The following MPPED2 variants were observed in gnomAD, a reference collection of about 807,000 sequenced individuals.
The protein encoded by MPPED2 is metallophosphoesterase domain containing 2.
MPPED2 carries 5 observed loss-of-function variants against 33.0 expected under a neutral mutation model. The ratio of observed to expected loss-of-function variants is 0.15; its 90% CI spans 0.08 to 0.32. MPPED2 has a LOEUF of 0.32. Ranked by LOEUF, MPPED2 falls within the 10% of genes least tolerant of loss-of-function variation. The probability of loss-of-function intolerance (pLI) is 1.00; values close to 1 mark genes in which losing one functional copy is unlikely to be tolerated. For missense variants in MPPED2, 275 were observed against 372.1 expected (o/e 0.74, Z 2.15); for synonymous variants, 136 against 141.9 (o/e 0.96, Z 0.29).
At chr11:30,583,830 C>T (rs1438949965) in intron 1 of MPPED2, among the ~76,000 whole-genome samples, 1 of 152,168 alleles carries the variant, frequency 6.6e-6, no homozygotes, top group South Asian at 2.1e-4. Context: ...AACAAGGATG[C>T]TCATTTTAAT....
intron 3 of MPPED2, among the ~76,000 whole-genome samples, chr11:30,533,004 A>C (rs1954610821): frequency 6.6e-6 from 1 of 152,232 alleles, no homozygotes; most frequent in African/African-American, 2.4e-5. Flanking sequence ...ATTAGCACAT[A>C]GCCAAACAGC....
At chr11:30,482,216 A>G (rs1308079290) in intron 4 of MPPED2, among the ~76,000 whole-genome samples, 5 of 152,192 alleles carry the variant, frequency 3.3e-5, no homozygotes, top group African/African-American at 7.2e-5. Context: ...CTTGTGGTGT[A>G]TTATCTTTCA....
chr11:30,549,942 G>A (rs935358491), intron 2 of MPPED2, among the ~76,000 whole-genome samples: 5 of 152,062 alleles, frequency 3.3e-5, no homozygotes, highest in Non-Finnish European at 5.9e-5. Context: ...TGGCCAAGGG[G>A]GCATGTTAAG....
At chr11:30,568,969 T>C (rs1335510391) in intron 2 of MPPED2, among the ~76,000 whole-genome samples, 8 of 152,168 alleles carry the variant, frequency 5.3e-5, no homozygotes, top group South Asian at 2.1e-4. Flanking sequence ...CACTTACATG[T>C]TGGAGGAAAT....
At chr11:30,560,172 T>A (rs1210643534) in intron 2 of MPPED2, among the ~76,000 whole-genome samples, 4 of 152,202 alleles carry the variant, frequency 2.6e-5, no homozygotes, top group Non-Finnish European at 2.9e-5. Context: ...TTTTATTGTG[T>A]TTATTTGTTT....
chr11:30,456,837 G>T (rs1189214872), intron 4 of MPPED2, among the ~76,000 whole-genome samples: 1 of 152,072 alleles, frequency 6.6e-6, no homozygotes, highest in East Asian at 1.9e-4. Context: ...TTCCAGGAAG[G>T]TTAGGCTCTT....
At chr11:30,394,667 A>G (rs1312021296) in intron 6 of MPPED2, among the ~76,000 whole-genome samples, 1 of 152,164 alleles carries the variant, frequency 6.6e-6, no homozygotes, top group African/African-American at 2.4e-5. Context: ...TTTGTTTGAT[A>G]TGTGATGTGA....
intron 4 of MPPED2, among the ~76,000 whole-genome samples, chr11:30,444,471 A>G (rs1334451124): frequency 6.7e-6 from 1 of 149,900 alleles, no homozygotes; most frequent in Non-Finnish European, 1.5e-5. Flanking sequence ...TTTTTTTTAG[A>G]AAAAACACAT....
At chr11:30,498,478 G>A (rs1459299821) in intron 3 of MPPED2, among the ~76,000 whole-genome samples, 1 of 151,534 alleles carries the variant, frequency 6.6e-6, no homozygotes, top group African/African-American at 2.4e-5. Flanking sequence ...AACCCCGGAG[G>A]TGCAGGTTGC....
At chr11:30,580,133 G>T in intron 2 of MPPED2, 113 bp downstream of exon 2, 1 of 1,048,686 alleles carries the variant, frequency 9.5e-7, no homozygotes, top group Admixed American at 2.3e-5. Context: ...CATCTGATTT[G>T]TAAATCATTT....
At chr11:30,414,140 A>G in intron 6 of MPPED2, 88 bp downstream of exon 6, 2 of 906,134 alleles carry the variant, frequency 2.2e-6, no homozygotes, top group South Asian at 2.8e-5. Flanking sequence ...AAAAAGTTTG[A>G]AAACAACTAC....
At chr11:30,405,581 A>AGGAG (rs1357924449), downstream of MPPED2, among the ~76,000 whole-genome samples, 1 of 152,176 alleles carries the variant, frequency 6.6e-6, no homozygotes, top group Admixed American at 6.5e-5. Context: ...GGAAATGAGG[A>AGGAG]GGAGTCGACA....
At chr11:30,497,623 C>T (rs773583075) in intron 3 of MPPED2, among the ~76,000 whole-genome samples, 10 of 152,178 alleles carry the variant, frequency 6.6e-5, no homozygotes, top group South Asian at 4.1e-4. Context: ...TTTTAGGGCT[C>T]GGGTTCAGGG....
intron 4 of MPPED2, among the ~76,000 whole-genome samples, chr11:30,473,553 G>A (rs757416598): frequency 2.0e-5 from 3 of 151,946 alleles, no homozygotes; most frequent in Non-Finnish European, 4.4e-5. Context: ...TGTTCCCAGC[G>A]ATCTCCCTGT....
intron 6 of MPPED2, among the ~76,000 whole-genome samples, chr11:30,392,017 C>A (rs1339810982): frequency 6.6e-6 from 1 of 152,196 alleles, no homozygotes; most frequent in Non-Finnish European, 1.5e-5. Flanking sequence ...GTACATATAA[C>A]TACTTCAAAG....
rs112809902 is a variant in MPPED2, at chr11:30,521,219, A to C, written c.310+14775T>G. On this transcript the variant is annotated intron_variant, in intron 3 of 6. Coordinates refer to ENST00000358117, the MANE Select transcript of MPPED2 (RefSeq NM_001584.3). ...ATTTTGTGAATCCAGTATTCACAGA[A>C]ATCCTGGATTTAGGAATAAAACAGA... Among the ~76,000 whole-genome samples, 402 of 152,304 alleles carry C rather than the reference A, an allele frequency of 2.6e-3. 2 individuals carry two copies. Among genetic ancestry groups the C allele is most frequent in the African/African-American group, 9.1e-3 (378 of 41,546 alleles).
chr11:30,457,435 G>A (rs1194446629), intron 4 of MPPED2, among the ~76,000 whole-genome samples: 9 of 149,492 alleles, frequency 6.0e-5, no homozygotes, highest in East Asian at 2.0e-4. Flanking sequence ...AGCTGATATC[G>A]CAAGAAGCTT....
chr11:30,445,394 T>C (rs1949758481), intron 4 of MPPED2, among the ~76,000 whole-genome samples: 1 of 152,264 alleles, frequency 6.6e-6, no homozygotes, highest in African/African-American at 2.4e-5. Context: ...TAGACTGGTA[T>C]TCAAGGGATT....
chr11:30,441,368 T>C (rs1949565734), intron 4 of MPPED2: 1 of 152,208 alleles, frequency 6.6e-6, no homozygotes, highest in Non-Finnish European at 1.5e-5. Context: ...CAGACTGTCA[T>C]AATTCTGGGT....
Sources: allele counts gnomAD v4.1 joint callset (sites outside exome capture counted in the v4.1 genomes callset), GRCh38; gene constraint gnomAD v4.1.1; transcripts MANE v1.5; gene names NCBI Gene and HGNC (gene_info 2026-07-23, HGNC 2026-07-21).